POLN: variants seen among roughly 807,000 people sequenced by gnomAD.
POLN encodes the protein DNA polymerase nu.
In POLN, 108 loss-of-function variants were observed where a neutral mutation model predicts 113.5. That is an observed-to-expected ratio of 0.95 (90% confidence interval 0.81 to 1.12). POLN has a LOEUF of 1.12. POLN is among the 50% of genes most tolerant of loss of function. The pLI, the probability that POLN is intolerant of heterozygous loss-of-function variation, is 0.00. For missense variants in POLN, 1,097 were observed against 1,077.1 expected (o/e 1.02, Z -0.26); for synonymous variants, 386 against 391.5 (o/e 0.99, Z 0.17).
chr4:2,173,446 AAT>A (rs146436823), intron 11 of POLN, among the ~76,000 whole-genome samples: 12,154 of 151,730 alleles, frequency 0.08, 719 homozygotes, highest in African/African-American at 0.16. Context: ...TCAAACACTG[AAT>A]TTATTTCTTT....
chr4:2,198,674 C>T lies in POLN; in HGVS notation c.758G>A (p.Arg253His), dbSNP rs774345496. ...ACAGCCATGGCCACCCTCTGCTTGG[C>T]GTTTTACTAACACCACAATTCCTCT... The part of the protein sequence containing the change: ...SVRGIVVLVK[R>H]QAEGGHGCPD... The change falls in exon 6 of 26, where the codon CGC becomes CAC. Residue 253 changes from arginine to histidine, a missense_variant. Transcript: ENST00000511885. The T allele has an allele frequency of 1.6e-5, 26 of 1,612,598 alleles. No homozygotes were observed. In the East Asian group the frequency reaches 2.5e-4, roughly 15 times the overall value.
At chr4:2,237,190 T>C (rs2108778885) in intron 2 of POLN, among the ~76,000 whole-genome samples, 1 of 152,042 alleles carries the variant, frequency 6.6e-6, no homozygotes, top group Non-Finnish European at 1.5e-5. Context: ...ATGCCTGTAA[T>C]CCCAGTATTG....
At position 2,208,068 on chromosome 4, in the gene POLN, C is replaced by T. The variant is rs1290201527; in HGVS notation, c.633G>A (p.Leu211=). The T allele has an allele frequency of 5.0e-6, 8 of 1,614,070 alleles. No individual in the cohort carries two copies. The highest frequency in any genetic ancestry group is 6.8e-6 in the Non-Finnish European group (8 of 1,180,036). The change falls in exon 5 of 26, where the codon CTG becomes CTA. Residue 211 remains leucine (L), a synonymous_variant. Transcript: ENST00000511885. ...CTGCTGCCTGTTTGAGCATTTCAAT[C>T]AGCTGGCTTTTTGCCCAATCATCCA... ...RHLDDWAKSQ[L]IEMLKQAAAL... is the part of the protein sequence containing the mutation.
intron 5 of POLN, 97 bp downstream of exon 5, chr4:2,207,890 A>G: frequency 7.2e-7 from 1 of 1,385,406 alleles, no homozygotes; most frequent in Non-Finnish European, 9.7e-7. Context: ...AAGCCTTAAA[A>G]TCTTGTTTCT....
At position 2,208,413 on chromosome 4, in the gene POLN, G is replaced by T. The variant is rs768009370; in HGVS notation, c.288C>A (p.Leu96=). The change falls in exon 5 of 26, where the codon CTC becomes CTA. Residue 96 remains leucine, a synonymous_variant. Transcript: ENST00000511885. ...KLSPQSFSVR[L]TDQLSADQKQ... ...TTTGGTCAGCAGACAGCTGATCTGTGAGCCTGACACTGAAGGACTGAGGAG... is the reference window on the plus strand; with the variant it reads ...TTTGGTCAGCAGACAGCTGATCTGTTAGCCTGACACTGAAGGACTGAGGAG... The T allele has an allele frequency of 8.7e-6, 14 of 1,609,194 alleles. No homozygotes were observed. The highest frequency in any genetic ancestry group is 4.5e-5 in the East Asian group (2 of 44,862).
chr4:2,116,967 A>C (rs1336842299), intron 19 of POLN, among the ~76,000 whole-genome samples: 3 of 152,248 alleles, frequency 2.0e-5, no homozygotes, highest in Non-Finnish European at 4.4e-5. Flanking sequence ...AAATACTGAC[A>C]AAACAAATAG....
chr4:2,091,379 T>C (rs1577685562), intron 20 of POLN, among the ~76,000 whole-genome samples: 1 of 152,084 alleles, frequency 6.6e-6, no homozygotes, highest in Non-Finnish European at 1.5e-5. Flanking sequence ...GACGGTGTGG[T>C]GGCTCCACAA....
intron 25 of POLN, 145 bp from the exon 26 acceptor site, chr4:2,072,444 C>T (rs1181842461): frequency 8.8e-6 from 6 of 684,576 alleles, no homozygotes; most frequent in Non-Finnish European, 1.2e-5. Flanking sequence ...CACACATGTG[C>T]ATACACGTGC....
At chr4:2,201,311 A>T (rs1675119568) in intron 5 of POLN, among the ~76,000 whole-genome samples, 1 of 128,428 alleles carries the variant, frequency 7.8e-6, no homozygotes, top group South Asian at 2.6e-4. Flanking sequence ...AAACGAGGGG[A>T]GAAATTTTCA....
rs545725952 is a variant in POLN at position 2,141,794 on chromosome 4, C to T, written c.1732-10504G>A. Among the ~76,000 whole-genome samples, 4 of 152,320 alleles carry T rather than the reference C, an allele frequency of 2.6e-5. No individual in the cohort carries two copies. The East Asian group carries it at 5.8e-4, about 22-fold the overall frequency. ...CCCAGGACCACAGGAGCTTCCAGCCCCCTCTCAGGCTCCTTGGAGAGCTCG... is the reference window on the plus strand; with the variant it reads ...CCCAGGACCACAGGAGCTTCCAGCCTCCTCTCAGGCTCCTTGGAGAGCTCG... On this transcript the variant is annotated intron_variant, in intron 16 of 25. Transcript: ENST00000511885.
chr4:2,096,574 C>G (rs78271561), intron 19 of POLN, among the ~76,000 whole-genome samples: 3,931 of 151,974 alleles, frequency 0.026, 186 homozygotes, highest in African/African-American at 0.09. Flanking sequence ...GGACAGGCAG[C>G]CTGACATGTA....
At chr4:2,156,428 T>G (rs1386199571) in intron 16 of POLN, 1 of 470,206 alleles carries the variant, frequency 2.1e-6, no homozygotes, top group Non-Finnish European at 4.2e-6. Flanking sequence ...CACCAAAAAA[T>G]GGAGCTGTTC....
Position 2,208,120 on chromosome 4 carries a change from T to C in POLN, c.581A>G (p.Lys194Arg), listed in dbSNP as rs1733898746. ...YLNSGNSGAL[K>R]KHFCDIRHLD... The stretch of plus-strand genomic sequence containing the variant: ...ATGCCTAATATCACAAAAATGTTTT[T>C]TCAATGCTCCTGAGTTCCCAGAATT... The change falls in exon 5 of 26, where the codon AAA (lysine) becomes AGA (arginine). Residue 194 changes from lysine (K) to arginine (R), a missense_variant. Physicochemically the swap from Lys to Arg is conservative, Grantham distance 26 (BLOSUM62 2). Transcript: ENST00000511885. 8 of 1,614,214 alleles carry C rather than the reference T, an allele frequency of 5.0e-6. No homozygotes were observed. In the Admixed American group the frequency reaches 5.0e-5, roughly 10 times the overall value.
chr4:2,152,237 C>T lies in POLN; in HGVS notation c.1731+4551G>A, dbSNP rs566963181. Among the ~76,000 whole-genome samples the T allele has an allele frequency of 2.6e-5, 4 of 151,568 alleles. 1 individual carries two copies. The South Asian group carries it at 8.4e-4, about 32-fold the overall frequency. On this transcript the variant is annotated intron_variant, in intron 16 of 25. Transcript: ENST00000511885. ...ATTTTGGGTAGAGATGAGGTTTCACCATGTTGTCCAGCCTGGTCTCGAACT... is the reference window on the plus strand; with the variant it reads ...ATTTTGGGTAGAGATGAGGTTTCACTATGTTGTCCAGCCTGGTCTCGAACT...
intron 2 of POLN, chr4:2,239,169 T>C (rs749942773): frequency 1.9e-6 from 1 of 527,468 alleles, no homozygotes; most frequent in Non-Finnish European, 3.2e-6. Context: ...TAATTTAATA[T>C]TCATATAAAC....
chr4:2,165,268 T>A (rs577031768), intron 13 of POLN, among the ~76,000 whole-genome samples: 50 of 152,206 alleles, frequency 3.3e-4, no homozygotes, highest in Non-Finnish European at 6.3e-4. Context: ...ACTATCAGGC[T>A]GTGAAAAGAC....
intron 3 of POLN, among the ~76,000 whole-genome samples, chr4:2,219,692 G>C (rs1447744507): frequency 6.6e-6 from 1 of 152,164 alleles, no homozygotes; most frequent in Non-Finnish European, 1.5e-5. Context: ...AATGTTACCT[G>C]CTGAGTTTCC....
chr4:2,113,073 C>T (rs1426375627), intron 19 of POLN, among the ~76,000 whole-genome samples: 3 of 151,816 alleles, frequency 2.0e-5, no homozygotes, highest in Admixed American at 6.6e-5. Flanking sequence ...ATGATGAGTT[C>T]ATGTCCTTTG....
chr4:2,182,684 C>T (rs182580426), intron 7 of POLN, among the ~76,000 whole-genome samples: 3 of 152,170 alleles, frequency 2.0e-5, no homozygotes, highest in Admixed American at 2.0e-4. Context: ...GGATCATAAG[C>T]CTAACCTCAG....
Sources: gnomAD v4.1 joint callset for allele counts (sites outside exome capture counted in the v4.1 genomes callset) on GRCh38, gnomAD v4.1.1 for gene constraint, MANE v1.5 for transcripts, NCBI Gene and HGNC (gene_info 2026-07-23, HGNC 2026-07-21) for gene names.